The following CASK variants were observed in gnomAD, a reference collection of about 807,000 sequenced individuals.
The protein encoded by CASK is peripheral plasma membrane protein CASK.
In CASK, 4 loss-of-function variants were observed where a neutral mutation model predicts 82.9. The observed-to-expected ratio is 0.05, with a 90% confidence interval of 0.02 to 0.11. CASK has a LOEUF of 0.11. Among genes scored for constraint, CASK ranks in the 10% least tolerant of loss-of-function variants. The probability of loss-of-function intolerance (pLI) is 1.00; values close to 1 mark genes in which losing one functional copy is unlikely to be tolerated. For missense variants in CASK, 358 were observed against 720.9 expected (o/e 0.50, Z 5.76); for synonymous variants, 259 against 253.5 (o/e 1.02, Z -0.20).
At chrX:41,808,264 G>A (rs1417851406) in intron 2 of CASK, among the ~76,000 whole-genome samples, 3 of 111,864 alleles carry the variant, frequency 2.7e-5, no homozygotes, top group African/African-American at 9.8e-5. Flanking sequence ...TGATAAGCAA[G>A]GCCTTGGCAG....
chrX:41,525,634 A>G (rs1004663855), intron 25 of CASK, among the ~76,000 whole-genome samples: 1 of 111,450 alleles, frequency 9.0e-6, no homozygotes, highest in Non-Finnish European at 1.9e-5. Context: ...TATGGCACCC[A>G]GCATAAACTG....
intron 2 of CASK, among the ~76,000 whole-genome samples, chrX:41,818,433 T>C (rs767204686): frequency 1.8e-5 from 2 of 108,353 alleles, no homozygotes; most frequent in African/African-American, 6.7e-5. Flanking sequence ...TGAAATCCCA[T>C]CTCTACAAAA....
chrX:41,592,882 G>A (rs772207653), intron 12 of CASK, among the ~76,000 whole-genome samples: 2 of 111,823 alleles, frequency 1.8e-5, no homozygotes, highest in South Asian at 7.5e-4. Context: ...GGCACAGAGT[G>A]GTCAAGTGAG....
chrX:41,548,607 T>G (rs1010250771), intron 21 of CASK, among the ~76,000 whole-genome samples: 3 of 111,730 alleles, frequency 2.7e-5, no homozygotes, highest in African/African-American at 9.8e-5. Flanking sequence ...CTCCATATAT[T>G]ACCCACGTGG....
At chrX:41,917,049 A>G (rs5963285) in intron 1 of CASK, among the ~76,000 whole-genome samples, 1,167 of 112,686 alleles carry the variant, frequency 0.01, 14 homozygotes, top group African/African-American at 0.035. Context: ...CTACTGAAGA[A>G]ATAAGAAATT....
At chrX:41,762,741 C>A (rs1464008279) in intron 3 of CASK, among the ~76,000 whole-genome samples, 3 of 111,722 alleles carry the variant, frequency 2.7e-5, no homozygotes, top group Admixed American at 9.5e-5. Flanking sequence ...CCAAGCTAAT[C>A]TCCATTCTCT....
intron 26 of CASK, among the ~76,000 whole-genome samples, 174 bp downstream of exon 26, chrX:41,523,777 C>T (rs1016999839): frequency 1.8e-5 from 2 of 112,031 alleles, no homozygotes; most frequent in Non-Finnish European, 3.8e-5. Context: ...GGTGTTTGTC[C>T]TCAGATTTTA....
At chrX:41,639,105 C>T (rs768975849) in intron 8 of CASK, among the ~76,000 whole-genome samples, 1 of 98,956 alleles carries the variant, frequency 1.0e-5, no homozygotes, top group African/African-American at 3.7e-5. Context: ...GATGGAGTCT[C>T]ACTCTGTCGC....
intron 1 of CASK, among the ~76,000 whole-genome samples, chrX:41,920,565 G>A (rs899878390): frequency 8.9e-6 from 1 of 111,816 alleles, no homozygotes; most frequent in Non-Finnish European, 1.9e-5. Context: ...AGTAGTTAAG[G>A]TAGCCATAGA....
intron 5 of CASK, among the ~76,000 whole-genome samples, chrX:41,736,041 G>A (rs1295405640): frequency 1.8e-5 from 2 of 111,529 alleles, no homozygotes; most frequent in African/African-American, 6.5e-5. Context: ...ACGTAGCTCC[G>A]GTTCCTAGGA....
In CASK at chrX:41,517,856, A is replaced by C. The variant is rs1194714968; in HGVS notation, c.*2564T>G. ...AAATTACTCTGAATTCAGAAATGTA[A>C]GTATATGCAGCTAGGTCATAAAGAC... is the stretch of plus-strand genomic sequence containing the variant. On this transcript the variant is annotated 3_prime_UTR_variant, in exon 27 of 27. Transcript: ENST00000378163. The C allele has an allele frequency of 1.7e-5, 11 of 629,497 alleles. No homozygotes were observed. The Admixed American group carries it at 1.9e-4, about 11-fold the overall frequency. The allele number at this position is 629,497 out of a possible 1,213,427, so 51.9% of individuals were successfully genotyped here.
chrX:41,773,245 G>A (rs1250210732), intron 3 of CASK, among the ~76,000 whole-genome samples: 1 of 108,213 alleles, frequency 9.2e-6, no homozygotes, highest in Non-Finnish European at 1.9e-5. Context: ...ATGGTGGCAC[G>A]CCTGTGGTTC....
intron 11 of CASK, among the ~76,000 whole-genome samples, chrX:41,617,049 C>T (rs1249620403): frequency 1.8e-5 from 2 of 111,954 alleles, no homozygotes; most frequent in East Asian, 2.8e-4. Flanking sequence ...CTGAAGTAAA[C>T]GGTATAGAAG....
chrX:41,631,540 C>T (rs1293619158), intron 9 of CASK, among the ~76,000 whole-genome samples: 3 of 111,920 alleles, frequency 2.7e-5, no homozygotes, highest in Middle Eastern at 4.6e-3. Flanking sequence ...GCAACCTTGG[C>T]TCACTGCAAC....
chrX:41,710,238 A>AC, intron 5 of CASK, among the ~76,000 whole-genome samples: 1 of 110,728 alleles, frequency 9.0e-6, no homozygotes. Context: ...TAAAGAATCT[A>AC]CAGAAAAGAA....
intron 1 of CASK, among the ~76,000 whole-genome samples, chrX:41,857,891 C>T (rs1487023968): frequency 1.8e-5 from 2 of 111,696 alleles, no homozygotes; most frequent in Non-Finnish European, 3.8e-5. Flanking sequence ...ACAATTCACC[C>T]AGAATAGCTT....
chrX:41,831,288 GAC>G (rs1194398929), intron 2 of CASK, among the ~76,000 whole-genome samples: 1 of 111,647 alleles, frequency 9.0e-6, no homozygotes, highest in African/African-American at 3.3e-5. Context: ...CAGTCCAAAA[GAC>G]AGACCAACTT....
At chrX:41,609,491 ATTG>A (rs2066010937) in intron 12 of CASK, among the ~76,000 whole-genome samples, 1 of 111,743 alleles carries the variant, frequency 8.9e-6, no homozygotes, top group African/African-American at 3.3e-5. Context: ...ACTGAAAAGA[ATTG>A]TTATGATAGA....
intron 6 of CASK, among the ~76,000 whole-genome samples, chrX:41,670,275 C>T (rs2067177384): frequency 8.9e-6 from 1 of 112,067 alleles, no homozygotes; most frequent in Non-Finnish European, 1.9e-5. Context: ...GGTCAGTCTT[C>T]CAATCACTAA....
Sources: allele counts gnomAD v4.1 joint callset (sites outside exome capture counted in the v4.1 genomes callset), GRCh38; gene constraint gnomAD v4.1.1; transcripts MANE v1.5; gene names NCBI Gene and HGNC (gene_info 2026-07-23, HGNC 2026-07-21).